The following WDR7 variants were observed in gnomAD, a reference collection of about 807,000 sequenced individuals.
WDR7 encodes WD repeat domain 7.
Under a neutral mutation model 169.4 loss-of-function variants are expected in WDR7, and 46 were observed. That is an observed-to-expected ratio of 0.27 (90% CI 0.21 to 0.35). The LOEUF (loss-of-function observed/expected upper bound fraction) is 0.35, where lower values mean the gene tolerates loss of function less well. Ranked by LOEUF, WDR7 falls within the 10% of genes least tolerant of loss-of-function variation. The pLI is 1.00. For synonymous variants in WDR7, 612 were observed against 666.8 expected (o/e 0.92, Z 1.27); for missense variants, 1,534 against 1,859.3 (o/e 0.83, Z 3.22).
At chr18:57,036,594 C>G in the WDR7 span, 1 of 152,292 alleles carries the variant, frequency 6.6e-6, no homozygotes, top group Non-Finnish European at 1.5e-5. Flanking sequence ...CTAATACACC[C>G]GCTTTCAGCA....
chr18:56,838,531 G>A (rs1220167222), intron 20 of WDR7, among the ~76,000 whole-genome samples: 1 of 152,088 alleles, frequency 6.6e-6, no homozygotes, highest in East Asian at 1.9e-4. Flanking sequence ...TTTTGATCCT[G>A]GGACACCCAA....
At chr18:57,007,659 G>A (rs956781236) in intron 26 of WDR7, among the ~76,000 whole-genome samples, 1 of 151,910 alleles carries the variant, frequency 6.6e-6, no homozygotes, top group Admixed American at 6.6e-5. Context: ...CTCTTTTAAA[G>A]GTGATTTGTA....
intron 21 of WDR7, among the ~76,000 whole-genome samples, chr18:56,891,400 C>T (rs571834449): frequency 6.6e-6 from 1 of 152,048 alleles, no homozygotes; most frequent in East Asian, 1.9e-4. Flanking sequence ...AACAGTAGCT[C>T]CTACCTCACA....
intron 26 of WDR7, among the ~76,000 whole-genome samples, chr18:56,980,357 G>C (rs2145828599): frequency 6.6e-6 from 1 of 152,312 alleles, no homozygotes; most frequent in African/African-American, 2.4e-5. Flanking sequence ...CGCTCTGGCA[G>C]TGGTGTGGAG....
intron 20 of WDR7, among the ~76,000 whole-genome samples, chr18:56,854,931 A>G (rs1241609606): frequency 1.3e-5 from 2 of 152,134 alleles, no homozygotes; most frequent in South Asian, 4.2e-4. Context: ...GGGCTAAGGG[A>G]GTTATGAGCC....
rs772503144 is a variant in WDR7 at position 56,695,187 on chromosome 18, T to C, written c.1346T>C (p.Met449Thr). Residue 449 changes from methionine (M) to threonine (T), a missense_variant, in exon 11 of 28, where the codon ATG becomes ACG. Coordinates refer to ENST00000254442, the MANE Select transcript of WDR7 (RefSeq NM_015285.3). ...AIVQLLQGEH[M>T]LRRGWPPHRT... ...GTACAGCTGTTGCAAGGGGAACACA[T>C]GCTCAGAAGAGGTATACTGAAGAGC... 3.1e-6 allele frequency: 5 copies of C among 1,614,106 alleles called. No individual in the cohort carries two copies. The Admixed American group carries it at 6.7e-5, about 22-fold the overall frequency.
At chr18:56,802,078 C>T (rs955063291) in intron 19 of WDR7, among the ~76,000 whole-genome samples, 2 of 152,218 alleles carry the variant, frequency 1.3e-5, no homozygotes, top group South Asian at 2.1e-4. Flanking sequence ...ACCAAGAAGG[C>T]GTGAGTTTTC....
intron 7 of WDR7, among the ~76,000 whole-genome samples, chr18:56,687,331 T>C (rs892910936): frequency 1.3e-4 from 20 of 152,234 alleles, no homozygotes; most frequent in African/African-American, 4.6e-4. Context: ...GTCAATATTT[T>C]CCCTGGCTTC....
At chr18:56,925,371 A>G (rs1354263186) in intron 22 of WDR7, among the ~76,000 whole-genome samples, 1 of 152,132 alleles carries the variant, frequency 6.6e-6, no homozygotes, top group African/African-American at 2.4e-5. Context: ...GCAGTGCACA[A>G]CAGTTCCATT....
intron 20 of WDR7, among the ~76,000 whole-genome samples, chr18:56,864,509 A>G (rs1201122343): frequency 6.6e-6 from 1 of 151,808 alleles, no homozygotes; most frequent in East Asian, 1.9e-4. Flanking sequence ...TTAGTATAAT[A>G]GCATACAAAA....
At chr18:56,758,786 A>G in intron 15 of WDR7, 79 bp from the exon 16 acceptor site, 4 of 1,063,780 alleles carry the variant, frequency 3.8e-6, no homozygotes, top group Non-Finnish European at 5.3e-6. Context: ...GTTTAGAAGT[A>G]GAAAATTTTT....
chr18:56,699,623 A>G (rs1337951744), intron 12 of WDR7, among the ~76,000 whole-genome samples: 3 of 152,232 alleles, frequency 2.0e-5, no homozygotes, highest in South Asian at 4.1e-4. Flanking sequence ...ATATTCTAAA[A>G]CAGAGAAATG....
intron 20 of WDR7, among the ~76,000 whole-genome samples, chr18:56,838,570 G>A (rs1482354194): frequency 1.3e-5 from 2 of 152,128 alleles, no homozygotes; most frequent in African/African-American, 2.4e-5. Context: ...TGTTTCCATA[G>A]CAGAAAGTTT....
intron 21 of WDR7, among the ~76,000 whole-genome samples, chr18:56,902,472 C>G (rs1312799939): frequency 6.6e-6 from 1 of 152,076 alleles, no homozygotes; most frequent in Non-Finnish European, 1.5e-5. Context: ...TTATTTAGTA[C>G]CTCCCTTAAA....
chr18:56,899,589 C>T (rs540408935), intron 21 of WDR7, among the ~76,000 whole-genome samples: 1 of 152,020 alleles, frequency 6.6e-6, no homozygotes, highest in Non-Finnish European at 1.5e-5. Flanking sequence ...TTCTTCTGCA[C>T]ATGCCCATTG....
intron 25 of WDR7, among the ~76,000 whole-genome samples, chr18:56,956,693 G>A (rs1177354668): frequency 6.6e-6 from 1 of 151,948 alleles, no homozygotes; most frequent in Non-Finnish European, 1.5e-5. Context: ...TCTTTCCTGT[G>A]GTTTATTGGG....
chr18:56,778,179 C>T (rs2044267509), intron 17 of WDR7, among the ~76,000 whole-genome samples: 1 of 152,070 alleles, frequency 6.6e-6, no homozygotes, highest in African/African-American at 2.4e-5. Context: ...TGAGAATTTC[C>T]TCACTGAAAG....
chr18:56,669,975 T>A, intron 1 of WDR7, among the ~76,000 whole-genome samples: 1 of 152,202 alleles, frequency 6.6e-6, no homozygotes, highest in East Asian at 1.9e-4. Context: ...TTGCCCTTTT[T>A]TCCCCTTAAA....
chr18:56,668,544 T>G (rs1467913556), intron 1 of WDR7, among the ~76,000 whole-genome samples: 1 of 152,190 alleles, frequency 6.6e-6, no homozygotes, highest in Non-Finnish European at 1.5e-5. Context: ...TTTATTATTG[T>G]AATACTTATA....
Sources: allele counts gnomAD v4.1 joint callset (sites outside exome capture counted in the v4.1 genomes callset), GRCh38; gene constraint gnomAD v4.1.1; transcripts MANE v1.5; gene names NCBI Gene and HGNC (gene_info 2026-07-23, HGNC 2026-07-21).